The following MYO1D variants were observed in gnomAD, a reference collection of about 807,000 sequenced individuals.
The protein encoded by MYO1D is unconventional myosin-Id.
A neutral mutation model predicts 122.0 loss-of-function variants in MYO1D; 83 were observed. The ratio of observed to expected loss-of-function variants is 0.68; its 90% CI spans 0.57 to 0.82. The LOEUF is 0.82. Ranked by LOEUF, MYO1D falls within the 40% of genes least tolerant of loss-of-function variation. The pLI is 0.00. For missense variants in MYO1D, 1,157 were observed against 1,269.5 expected (o/e 0.91, Z 1.35); for synonymous variants, 464 against 446.9 (o/e 1.04, Z -0.48).
At chr17:32,822,545 G>A (rs1321990068) in intron 1 of MYO1D, among the ~76,000 whole-genome samples, 300 of 125,084 alleles carry the variant, frequency 2.4e-3, no homozygotes, top group Non-Finnish European at 3.5e-3. Flanking sequence ...CACTGCCGGG[G>A]CGGCTCGGGA....
At chr17:32,743,454 A>AG (rs2089795031) in intron 13 of MYO1D, among the ~76,000 whole-genome samples, 1 of 152,154 alleles carries the variant, frequency 6.6e-6, no homozygotes, top group Admixed American at 6.5e-5. Flanking sequence ...TATCAGGCTC[A>AG]GGTATCACCT....
chr17:32,842,757 G>A (rs1454002215), intron 1 of MYO1D, among the ~76,000 whole-genome samples: 1 of 151,944 alleles, frequency 6.6e-6, no homozygotes, highest in Non-Finnish European at 1.5e-5. Flanking sequence ...TCAACATCCA[G>A]GTAAGTATCC....
chr17:32,798,543 C>G (rs1368176673), intron 1 of MYO1D, among the ~76,000 whole-genome samples: 1 of 152,182 alleles, frequency 6.6e-6, no homozygotes, highest in Admixed American at 6.5e-5. Context: ...CGTGGAACTT[C>G]TACGGTGCTA....
intron 16 of MYO1D, among the ~76,000 whole-genome samples, chr17:32,704,333 T>C (rs2089281686): frequency 6.6e-6 from 1 of 152,210 alleles, no homozygotes; most frequent in African/African-American, 2.4e-5. Flanking sequence ...CTGGGGCTTT[T>C]TATAAAACAC....
intron 21 of MYO1D, chr17:32,529,971 G>T (rs1250976447): frequency 2.6e-5 from 4 of 152,172 alleles, no homozygotes; most frequent in Non-Finnish European, 5.9e-5. Flanking sequence ...TAAACTCCTT[G>T]GTTCATTACC....
chr17:32,546,199 T>G (rs2086963681), intron 21 of MYO1D, among the ~76,000 whole-genome samples: 1 of 152,204 alleles, frequency 6.6e-6, no homozygotes, highest in Admixed American at 6.5e-5. Context: ...GCTCCCTCAC[T>G]ATGGACTTAG....
intron 20 of MYO1D, among the ~76,000 whole-genome samples, chr17:32,609,939 T>TA (rs1312357550): frequency 1.3e-5 from 2 of 152,176 alleles, no homozygotes; most frequent in African/African-American, 4.8e-5. Context: ...ATTTTCATTT[T>TA]AAAAAAACAT....
At position 32,563,247 on chromosome 17, in the gene MYO1D, T is replaced by C. The variant is rs145618691; in HGVS notation, c.2864+41840A>G. Among the ~76,000 whole-genome samples the C allele has an allele frequency of 1.3e-3, 201 of 148,908 alleles. 1 individual carries two copies. The highest frequency in any genetic ancestry group is 4.7e-3 in the African/African-American group (188 of 40,154). On this transcript the variant is annotated intron_variant, in intron 21 of 21. Transcript: ENST00000318217. ...TTTTTTGAGACAGAGTCTTGCTCTGTTGCCCAGGCTGGAGCGTAGTGGCAC... is the reference window on the plus strand; with the variant it reads ...TTTTTTGAGACAGAGTCTTGCTCTGCTGCCCAGGCTGGAGCGTAGTGGCAC...
intron 11 of MYO1D, among the ~76,000 whole-genome samples, chr17:32,752,812 G>T (rs1238596585): frequency 6.6e-6 from 1 of 152,124 alleles, no homozygotes; most frequent in Non-Finnish European, 1.5e-5. Context: ...ATACATTGTT[G>T]GTGGGAATGT....
At chr17:32,644,673 CTTCT>C (rs2088260107) in intron 19 of MYO1D, among the ~76,000 whole-genome samples, 3 of 152,120 alleles carry the variant, frequency 2.0e-5, no homozygotes, top group South Asian at 2.1e-4. Context: ...ATGTAGTGGC[CTTCT>C]TTGTCTCTTT....
intron 21 of MYO1D, among the ~76,000 whole-genome samples, chr17:32,516,361 A>G (rs1212083701): frequency 6.6e-6 from 1 of 152,146 alleles, no homozygotes; most frequent in Non-Finnish European, 1.5e-5. Flanking sequence ...GACACATGAA[A>G]GGCCCTGTGG....
intron 8 of MYO1D, among the ~76,000 whole-genome samples, chr17:32,761,392 T>A (rs9913548): frequency 0.033 from 4,966 of 152,298 alleles, 275 homozygotes; most frequent in African/African-American, 0.11. Flanking sequence ...TCGTACCTCA[T>A]ATGGACATCT....
intron 21 of MYO1D, among the ~76,000 whole-genome samples, chr17:32,591,561 C>G (rs2087438754): frequency 6.6e-6 from 1 of 152,126 alleles, no homozygotes; most frequent in South Asian, 2.1e-4. Flanking sequence ...TTTCTCTGAG[C>G]CTCAGCCCTC....
rs575574055 is a variant in MYO1D at position 32,562,743 on chromosome 17, T to C, written c.2864+42344A>G. ...CTCACCTCCCAAAGTGCTGGGATTA[T>C]AGGCGTGCGCCACCATGCCCGGACA... On this transcript the variant is annotated intron_variant, in intron 21 of 21. Transcript: ENST00000318217. Among the ~76,000 whole-genome samples the C allele has an allele frequency of 2.6e-5, 4 of 152,280 alleles. 1 individual carries two copies. The South Asian group carries it at 8.3e-4, about 32-fold the overall frequency.
At chr17:32,711,064 C>T (rs2089370015) in intron 16 of MYO1D, among the ~76,000 whole-genome samples, 2 of 152,086 alleles carry the variant, frequency 1.3e-5, no homozygotes, top group Admixed American at 1.3e-4. Flanking sequence ...GGTATATATC[C>T]CAAGGACATC....
Position 32,770,084 on chromosome 17 carries a change from T to A in MYO1D, c.714+1041A>T, listed in dbSNP as rs149587676. ...TTTTTAATTCATTTTCAGCCAAACATCCTGCTCGCTCTCAGATGACCATAA... is the reference window on the plus strand; with the variant it reads ...TTTTTAATTCATTTTCAGCCAAACAACCTGCTCGCTCTCAGATGACCATAA... On this transcript the variant is annotated intron_variant, in intron 6 of 21. Coordinates refer to ENST00000318217, the MANE Select transcript of MYO1D (RefSeq NM_015194.3). 3.7e-4 allele frequency among the ~76,000 whole-genome samples: 56 copies of A among 152,294 alleles called. No individual in the cohort carries two copies. The East Asian group carries it at 8.1e-3, about 22-fold the overall frequency.
At chr17:32,544,435 T>C (rs2086947392) in intron 21 of MYO1D, among the ~76,000 whole-genome samples, 1 of 152,168 alleles carries the variant, frequency 6.6e-6, no homozygotes. Flanking sequence ...CACTAGCTTT[T>C]CTTTTAAAAA....
chr17:32,765,210 A>G, intron 7 of MYO1D, 129 bp from the exon 8 acceptor site: 1 of 696,888 alleles, frequency 1.4e-6, no homozygotes, highest in Non-Finnish European at 2.4e-6. Context: ...ATCTCAACAT[A>G]TAAAAACAGT....
chr17:32,656,493 A>G lies in MYO1D; in HGVS notation c.2346-1872T>C, dbSNP rs149523878. 2.9e-3 allele frequency among the ~76,000 whole-genome samples: 444 copies of G among 152,298 alleles called. 3 individuals carry two copies. Among genetic ancestry groups the G allele is most frequent in the African/African-American group, 0.01 (419 of 41,554 alleles). On this transcript the variant is annotated intron_variant, in intron 17 of 21. Transcript: ENST00000318217. ...CCTGAAGTGGCAGGGACTGGTAGCAAGGGCAGGAGATGAAGGATTTTAAGG... is the reference window on the plus strand; with the variant it reads ...CCTGAAGTGGCAGGGACTGGTAGCAGGGGCAGGAGATGAAGGATTTTAAGG...
Sources: gnomAD v4.1 joint callset for allele counts (sites outside exome capture counted in the v4.1 genomes callset) on GRCh38, gnomAD v4.1.1 for gene constraint, MANE v1.5 for transcripts, NCBI Gene and HGNC (gene_info 2026-07-23, HGNC 2026-07-21) for gene names.